WRAP53: variants seen among roughly 807,000 people sequenced by gnomAD.
The protein encoded by WRAP53 is WD repeat containing antisense to TP53.
A neutral mutation model predicts 56.6 loss-of-function variants in WRAP53; 28 were observed. The observed-to-expected ratio is 0.50, with a 90% CI of 0.37 to 0.68. The LOEUF is 0.68. Among genes scored for constraint, WRAP53 ranks in the 30% least tolerant of loss-of-function variants. The pLI is 0.00. For missense variants in WRAP53, 671 were observed against 715.5 expected (o/e 0.94, Z 0.71); for synonymous variants, 283 against 283.4 (o/e 1.00, Z 0.01).
chr17:7,699,504 A>ATT (rs2074241730), intron 4 of WRAP53, among the ~76,000 whole-genome samples: 1 of 18,086 alleles, frequency 5.5e-5, no homozygotes, highest in Non-Finnish European at 9.1e-5. Context: ...ATATATATTT[A>ATT]TATATATATA....
intron 3 of WRAP53, 104 bp from the exon 4 acceptor site, chr17:7,689,485 TC>T: frequency 7.6e-7 from 1 of 1,310,434 alleles, no homozygotes; most frequent in South Asian, 1.2e-5. Context: ...TCTACTTCCC[TC>T]AAGGATTCAG....
intron 4 of WRAP53, among the ~76,000 whole-genome samples, chr17:7,690,834 C>T (rs973197091): frequency 1.3e-5 from 2 of 152,126 alleles, no homozygotes; most frequent in Non-Finnish European, 2.9e-5. Context: ...ATCTCTTAAA[C>T]TCAGGAGGTG....
At chr17:7,691,250 A>G (rs946943494) in intron 4 of WRAP53, among the ~76,000 whole-genome samples, 4 of 151,488 alleles carry the variant, frequency 2.6e-5, no homozygotes, top group Non-Finnish European at 5.9e-5. Flanking sequence ...ACAAACACAA[A>G]ACAAAAAACC....
At chr17:7,691,308 G>A (rs1474496974) in intron 4 of WRAP53, among the ~76,000 whole-genome samples, 1 of 152,070 alleles carries the variant, frequency 6.6e-6, no homozygotes. Context: ...GGACAGAGGG[G>A]TGAGGACAGA....
At position 7,688,747 on chromosome 17, in the gene WRAP53, T is replaced by C; in HGVS notation, c.99T>C (p.Asn33=). 1 of 1,613,998 alleles carries C rather than the reference T, an allele frequency of 6.2e-7. No homozygotes were observed. Among genetic ancestry groups the C allele is most frequent in the Non-Finnish European group, 8.5e-7 (1 of 1,179,976 alleles). ...CTTCTCCCCACGCTTCCCCGATGAA[T>C]AAAAATGCGGACTCTGAACTGATGC... ...AHPSPHASPM[N]KNADSELMPP... The change falls in exon 2 of 11, where the codon AAT becomes AAC. Residue 33 remains asparagine (N), a synonymous_variant. Transcript: ENST00000396463.
intron 4 of WRAP53, among the ~76,000 whole-genome samples, chr17:7,699,508 ATATATATATATATT>A (rs1567577593): frequency 0.053 from 1,354 of 25,612 alleles, 170 homozygotes; most frequent in Non-Finnish European, 0.062. Flanking sequence ...ATATTTATAT[ATATATATATATATT>A]TATATATATA....
Position 7,702,770 on chromosome 17 carries a change from C to A in WRAP53, c.1192C>A (p.Arg398=). The change falls in exon 9 of 11, where the codon CGG becomes AGG. Residue 398 remains arginine, a synonymous_variant. Transcript: ENST00000396463. This position sits in a 1 kb window ranked among gnomAD's most constrained non-coding sequence, Gnocchi z 5.0. ...TGCTGAGCTCCTGTGCTGGGATCTC[C>A]GGCAGTCTGGTTACCCACTGTGGTC... ...KDAELLCWDL[R]QSGYPLWSLG... is the part of the protein sequence containing the mutation. 8 of 1,613,848 alleles carry A rather than the reference C, an allele frequency of 5.0e-6. No individual in the cohort carries two copies. The highest frequency in any genetic ancestry group is 5.9e-6 in the Non-Finnish European group (7 of 1,180,004).
chr17:7,695,847 C>T (rs1199359343), intron 4 of WRAP53, among the ~76,000 whole-genome samples: 1 of 152,184 alleles, frequency 6.6e-6, no homozygotes, highest in African/African-American at 2.4e-5. Context: ...CCTCCCACTG[C>T]CTCTACTTTA....
At chr17:7,699,506 A>ATTTT (rs2074242125) in intron 4 of WRAP53, among the ~76,000 whole-genome samples, 6 of 22,960 alleles carry the variant, frequency 2.6e-4, no homozygotes, top group Non-Finnish European at 2.1e-4. Flanking sequence ...ATATATTTAT[A>ATTTT]TATATATATA....
At chr17:7,694,855 CTTTT>C (rs35283667) in intron 4 of WRAP53, among the ~76,000 whole-genome samples, 1 of 136,890 alleles carries the variant, frequency 7.3e-6, no homozygotes, top group Non-Finnish European at 1.6e-5. Context: ...CCTTTTTGTG[CTTTT>C]TTTTTTTTTT....
intron 4 of WRAP53, among the ~76,000 whole-genome samples, chr17:7,692,009 T>G (rs1465602109): frequency 6.6e-6 from 1 of 151,772 alleles, no homozygotes; most frequent in Non-Finnish European, 1.5e-5. Flanking sequence ...GCTAATTTTT[T>G]TGTATTTTTT....
intron 4 of WRAP53, among the ~76,000 whole-genome samples, chr17:7,699,483 T>A (rs2074236722): frequency 8.7e-5 from 1 of 11,522 alleles, no homozygotes; most frequent in South Asian, 2.7e-3. Context: ...TATTTATATA[T>A]ATATATATAT....
Position 7,689,168 on chromosome 17 carries a change from G to T in WRAP53, c.432-56G>T, listed in dbSNP as rs887378979. 15 of 1,613,428 alleles carry T rather than the reference G, an allele frequency of 9.3e-6. No individual in the cohort carries two copies. The Admixed American group carries it at 2.5e-4, about 27-fold the overall frequency. On this transcript the variant is annotated intron_variant, in intron 2 of 10. Coordinates refer to ENST00000396463, the MANE Select transcript of WRAP53 (RefSeq NM_001143992.2). Reference sequence around the variant, plus strand: ...CTGGTCCTGAGACCCACTTCTCCAGGCCTCTGCCCCCTTTGCTTGGCGACC... The same window carrying T: ...CTGGTCCTGAGACCCACTTCTCCAGTCCTCTGCCCCCTTTGCTTGGCGACC...
intron 4 of WRAP53, among the ~76,000 whole-genome samples, chr17:7,696,448 G>A (rs987556070): frequency 2.6e-4 from 40 of 151,888 alleles, no homozygotes; most frequent in East Asian, 1.3e-3. Flanking sequence ...ACAGGCGCCC[G>A]CCACCACGCC....
intron 4 of WRAP53, among the ~76,000 whole-genome samples, chr17:7,699,464 AT>A (rs1567577254): frequency 5.2e-5 from 1 of 19,346 alleles, no homozygotes; most frequent in African/African-American, 3.6e-4. Flanking sequence ...ATATTTATAT[AT>A]ATATATATAT....
At chr17:7,689,428 G>T in intron 3 of WRAP53, 106 bp downstream of exon 3, 1 of 1,322,298 alleles carries the variant, frequency 7.6e-7, no homozygotes, top group South Asian at 1.2e-5. Context: ...GAAGCGGCAC[G>T]TAGCCCTTTT....
Position 7,694,129 on chromosome 17 carries a change from T to A in WRAP53, c.642+4428T>A, listed in dbSNP as rs527663326. On this transcript the variant is annotated intron_variant, in intron 4 of 10. Transcript: ENST00000396463. ...GAAACCCCGTCTCTACTAAAAAAGA[T>A]ACAAAGTTAGCCAGGCATGGTCGTG... Among the ~76,000 whole-genome samples the A allele has an allele frequency of 3.9e-5, 6 of 152,192 alleles. No homozygotes were observed. In the South Asian group the frequency reaches 1.2e-3, roughly 32 times the overall value.
intron 5 of WRAP53, among the ~76,000 whole-genome samples, 170 bp downstream of exon 5, chr17:7,700,999 G>A (rs2151095866): frequency 6.7e-6 from 1 of 150,280 alleles, no homozygotes; most frequent in East Asian, 2.0e-4. Context: ...TTTAGATTGA[G>A]TCTCCCTCTG....
In WRAP53 at chr17:7,702,492, G is replaced by A. The variant is rs761814385; in HGVS notation, c.1104G>A (p.Gly368=). The A allele has an allele frequency of 6.2e-7, 1 of 1,613,642 alleles. No individual in the cohort carries two copies. The highest frequency in any genetic ancestry group is 1.1e-5 in the South Asian group (1 of 91,078). Residue 368 remains glycine, a synonymous_variant, in exon 8 of 11, where the codon GGG becomes GGA. Transcript: ENST00000396463. This position sits in a 1 kb window ranked among gnomAD's most constrained non-coding sequence, Gnocchi z 5.0. ...SPLALLGGHQ[G]GITHLCFHPD... is the part of the protein sequence containing the mutation. ...TCGCCTTGCTGGGAGGGCACCAAGG[G>A]GGCATCACCCACCTCTGCTTTCATC...
Sources: allele counts gnomAD v4.1 joint callset (sites outside exome capture counted in the v4.1 genomes callset), GRCh38; gene constraint gnomAD v4.1.1; non-coding constraint Gnocchi (gnomAD v3.1); transcripts MANE v1.5; gene names NCBI Gene and HGNC (gene_info 2026-07-23, HGNC 2026-07-21).